Variants in DOCK2 observed in about 807,000 individuals in gnomAD.
DOCK2 encodes the protein dedicator of cytokinesis 2.
In DOCK2, 87 loss-of-function variants were observed where a neutral mutation model predicts 248.9. That is an observed-to-expected ratio of 0.35 (90% CI 0.29 to 0.42). DOCK2 has a LOEUF of 0.42. Ranked by LOEUF, DOCK2 falls within the 10% of genes least tolerant of loss-of-function variation. The pLI, the probability that DOCK2 is intolerant of heterozygous loss-of-function variation, is 1.00. For synonymous variants in DOCK2, 805 were observed against 821.6 expected (o/e 0.98, Z 0.35); for missense variants, 1,747 against 2,300.2 (o/e 0.76, Z 4.92).
intron 27 of DOCK2, among the ~76,000 whole-genome samples, chr5:169,859,753 T>C (rs941588354): frequency 6.6e-6 from 1 of 152,136 alleles, no homozygotes; most frequent in Non-Finnish European, 1.5e-5. Context: ...GGACAAATCA[T>C]TTAGCCTTCC....
chr5:169,751,136 C>A (rs1218942108), intron 23 of DOCK2, among the ~76,000 whole-genome samples: 2 of 149,066 alleles, frequency 1.3e-5, no homozygotes, highest in Non-Finnish European at 2.9e-5. Flanking sequence ...TGGTTTAAAT[C>A]ATTTTTTAAT....
chr5:169,881,194 C>T (rs1483337891), intron 27 of DOCK2, among the ~76,000 whole-genome samples: 1 of 152,186 alleles, frequency 6.6e-6, no homozygotes, highest in Non-Finnish European at 1.5e-5. Context: ...TGCTCATAGA[C>T]TTTGTTCTAA....
At chr5:169,775,394 T>C (rs28712528) in intron 25 of DOCK2, among the ~76,000 whole-genome samples, 3 of 152,138 alleles carry the variant, frequency 2.0e-5, no homozygotes, top group Non-Finnish European at 2.9e-5. Context: ...CATGTCAATA[T>C]GCAGACACAG....
At chr5:169,687,875 G>A (rs1760077608) in intron 8 of DOCK2, among the ~76,000 whole-genome samples, 1 of 152,094 alleles carries the variant, frequency 6.6e-6, no homozygotes, top group Admixed American at 6.5e-5. Context: ...TATGTGGTCT[G>A]GCCTCTCCCT....
chr5:170,046,913 A>T (rs770954312), intron 39 of DOCK2, among the ~76,000 whole-genome samples: 3 of 152,214 alleles, frequency 2.0e-5, no homozygotes, highest in Non-Finnish European at 4.4e-5. Flanking sequence ...GCCATCGATC[A>T]TACACCATTC....
chr5:169,875,580 G>A (rs747294324), intron 27 of DOCK2: 48 of 228,570 alleles, frequency 2.1e-4, no homozygotes, highest in Non-Finnish European at 4.1e-4. Context: ...TTGTGCAAGT[G>A]CCTCGCCTCT....
intron 29 of DOCK2, among the ~76,000 whole-genome samples, chr5:169,986,142 A>G (rs1436678283): frequency 1.3e-5 from 2 of 152,236 alleles, no homozygotes; most frequent in Non-Finnish European, 2.9e-5. Context: ...TCCCAGTTAG[A>G]ATATCATACT....
chr5:169,641,313 C>T (rs575132647), intron 1 of DOCK2, among the ~76,000 whole-genome samples: 1 of 152,230 alleles, frequency 6.6e-6, no homozygotes, highest in South Asian at 2.1e-4. Flanking sequence ...TCTGCAGAAG[C>T]AGAGAAGGGA....
At chr5:169,768,651 A>G (rs1764919125) in intron 25 of DOCK2, among the ~76,000 whole-genome samples, 1 of 152,144 alleles carries the variant, frequency 6.6e-6, no homozygotes, top group Non-Finnish European at 1.5e-5. Flanking sequence ...TCCCTGCAGC[A>G]AGCCGGGGTG....
chr5:170,078,979 G>T lies in DOCK2; in HGVS notation c.4999G>T (p.Asp1667Tyr). The change falls in exon 49 of 52, where the codon GAC becomes TAC. Residue 1667 changes from aspartate to tyrosine, a missense_variant. Transcript: ENST00000520908. Reference sequence around the variant, plus strand: ...GCTGCCCCTCTGGCCTTTCAGCTTTGACCTGGAATTAGCATCACCCAAGAC... The same window carrying T: ...GCTGCCCCTCTGGCCTTTCAGCTTTTACCTGGAATTAGCATCACCCAAGAC... ...TPSKPTSESF[D>Y]LELASPKTPR... 2 of 1,613,930 alleles carry T rather than the reference G, an allele frequency of 1.2e-6. No individual in the cohort carries two copies. Among genetic ancestry groups the T allele is most frequent in the South Asian group, 2.2e-5 (2 of 91,020 alleles).
chr5:169,791,625 CATG>C (rs1451689934), intron 25 of DOCK2, among the ~76,000 whole-genome samples: 3 of 152,176 alleles, frequency 2.0e-5, no homozygotes. Context: ...GCCCTGCACT[CATG>C]AGCCGGAGTG....
intron 22 of DOCK2, among the ~76,000 whole-genome samples, chr5:169,720,329 A>G (rs76466217): frequency 6.6e-6 from 1 of 152,196 alleles, no homozygotes; most frequent in African/African-American, 2.4e-5. Context: ...CTTCCAAGTG[A>G]GAATGTTTTA....
At chr5:169,712,886 C>G (rs264842) in intron 17 of DOCK2, among the ~76,000 whole-genome samples, 3,388 of 152,306 alleles carry the variant, frequency 0.022, 131 homozygotes, top group African/African-American at 0.077. Flanking sequence ...TCCACATGTC[C>G]TCTTATGACA....
intron 15 of DOCK2, among the ~76,000 whole-genome samples, chr5:169,709,781 A>G (rs1258056246): frequency 1.3e-5 from 2 of 152,304 alleles, no homozygotes; most frequent in East Asian, 3.9e-4. Context: ...CAAATGTGAG[A>G]AACTTGAGAA....
Position 169,964,545 on chromosome 5 carries a change from C to T in DOCK2, c.2800-18523C>T, listed in dbSNP as rs528607902. Reference sequence around the variant, plus strand: ...CTGCTGGAATAGAAACCCAGCATCTCCGCCTGGAGGGCTTCCTTTTGCCAC... The same window carrying T: ...CTGCTGGAATAGAAACCCAGCATCTTCGCCTGGAGGGCTTCCTTTTGCCAC... On this transcript the variant is annotated intron_variant, in intron 27 of 51. Transcript: ENST00000520908. 5.3e-5 allele frequency among the ~76,000 whole-genome samples: 8 copies of T among 152,360 alleles called. No individual in the cohort carries two copies. In the South Asian group the frequency reaches 1.7e-3, roughly 32 times the overall value.
rs558930213 is a variant in DOCK2, at chr5:169,639,930, C to G, written c.43+2561C>G. Among the ~76,000 whole-genome samples the G allele has an allele frequency of 2.3e-4, 35 of 152,320 alleles. No homozygotes were observed. In the Middle Eastern group the frequency reaches 0.014, roughly 59 times the overall value. ...CAGAAATGTATTTTCTCACAGTTCT[C>G]GAGGCTGGAAGTCTAAGATCAAAGC... On this transcript the variant is annotated intron_variant, in intron 1 of 51. Coordinates refer to ENST00000520908, the MANE Select transcript of DOCK2 (RefSeq NM_004946.3).
intron 25 of DOCK2, among the ~76,000 whole-genome samples, chr5:169,801,836 C>G (rs1420583396): frequency 6.8e-6 from 1 of 146,698 alleles, no homozygotes; most frequent in African/African-American, 2.5e-5. Flanking sequence ...TTCCTGTAAT[C>G]ACCTCTGTCA....
chr5:169,710,011 T>C (rs1043823247), intron 15 of DOCK2, among the ~76,000 whole-genome samples: 44 of 152,334 alleles, frequency 2.9e-4, no homozygotes, highest in African/African-American at 9.9e-4. Context: ...GGTGGGAGGC[T>C]TGATGGATCA....
chr5:169,954,105 A>G (rs565499844), intron 27 of DOCK2, among the ~76,000 whole-genome samples: 4 of 152,238 alleles, frequency 2.6e-5, no homozygotes, highest in African/African-American at 9.6e-5. Flanking sequence ...TTTATCAAAC[A>G]TACTGAAAGT....
Sources: gnomAD v4.1 joint callset for allele counts (sites outside exome capture counted in the v4.1 genomes callset) on GRCh38, gnomAD v4.1.1 for gene constraint, MANE v1.5 for transcripts, NCBI Gene and HGNC (gene_info 2026-07-23, HGNC 2026-07-21) for gene names.